The following NUDCD3 variants were observed in gnomAD, a reference collection of about 807,000 sequenced individuals.
The protein encoded by NUDCD3 is nudC domain-containing protein 3.
A neutral mutation model predicts 39.7 loss-of-function variants in NUDCD3; 13 were observed. The ratio of observed to expected loss-of-function variants is 0.33; its 90% CI spans 0.21 to 0.52. The LOEUF (loss-of-function observed/expected upper bound fraction) is 0.52. Among genes scored for constraint, NUDCD3 ranks in the 20% least tolerant of loss-of-function variants. The probability of loss-of-function intolerance (pLI) is 0.96; values close to 1 mark genes in which losing one functional copy is unlikely to be tolerated. For missense variants in NUDCD3, 453 were observed against 458.1 expected (o/e 0.99, Z 0.10); for synonymous variants, 175 against 172.4 (o/e 1.02, Z -0.12).
At chr7:44,454,439 T>C (rs1374173151) in intron 2 of NUDCD3, among the ~76,000 whole-genome samples, 1 of 152,210 alleles carries the variant, frequency 6.6e-6, no homozygotes, top group Admixed American at 6.5e-5. Flanking sequence ...CAGTATCAAG[T>C]TTGGTCAAAT....
chr7:44,415,478 C>T (rs1051731584), intron 3 of NUDCD3, among the ~76,000 whole-genome samples: 3 of 152,218 alleles, frequency 2.0e-5, no homozygotes, highest in African/African-American at 7.2e-5. Flanking sequence ...TTCAGATTCA[C>T]TAGCAAGATG....
intron 3 of NUDCD3, among the ~76,000 whole-genome samples, chr7:44,421,098 C>A (rs1293611987): frequency 6.6e-6 from 1 of 152,058 alleles, no homozygotes; most frequent in African/African-American, 2.4e-5. Context: ...CTTTGGGAGG[C>A]CAAGGTGGGT....
At chr7:44,434,314 C>G (rs1250919651) in intron 2 of NUDCD3, among the ~76,000 whole-genome samples, 2 of 152,142 alleles carry the variant, frequency 1.3e-5, no homozygotes, top group African/African-American at 4.8e-5. Flanking sequence ...CCTCTGCAGC[C>G]TTCAACCTTT....
At chr7:44,412,933 AAAAAAAAAAG>A (rs1418743580) in intron 3 of NUDCD3, among the ~76,000 whole-genome samples, 3 of 147,128 alleles carry the variant, frequency 2.0e-5, no homozygotes, top group African/African-American at 7.7e-5. Flanking sequence ...TCTCAAAAAA[AAAAAAAAAAG>A]AAAAAAAAAA....
At chr7:44,392,904 GC>G (rs886447958) in intron 4 of NUDCD3, among the ~76,000 whole-genome samples, 1 of 152,068 alleles carries the variant, frequency 6.6e-6, no homozygotes, top group African/African-American at 2.4e-5. Context: ...CCCCATGCTT[GC>G]CATGGAAGGC....
intron 2 of NUDCD3, among the ~76,000 whole-genome samples, chr7:44,432,935 G>A (rs1006848865): frequency 1.3e-5 from 2 of 152,182 alleles, no homozygotes; most frequent in African/African-American, 4.8e-5. Flanking sequence ...CCCCTAAAAC[G>A]TGTATCTTGA....
At chr7:44,399,714 C>T (rs768882694) in intron 4 of NUDCD3, among the ~76,000 whole-genome samples, 1 of 152,190 alleles carries the variant, frequency 6.6e-6, no homozygotes, top group Non-Finnish European at 1.5e-5. Flanking sequence ...ACAACTCATC[C>T]ACCAGGGAGA....
intron 5 of NUDCD3, among the ~76,000 whole-genome samples, chr7:44,389,396 C>T (rs1288848582): frequency 6.6e-6 from 1 of 152,246 alleles, no homozygotes; most frequent in Non-Finnish European, 1.5e-5. Flanking sequence ...ATAAGGAGGC[C>T]GGCCGGGCGC....
chr7:44,389,792 G>T (rs994216879), intron 5 of NUDCD3, among the ~76,000 whole-genome samples: 1 of 152,024 alleles, frequency 6.6e-6, no homozygotes, highest in African/African-American at 2.4e-5. Flanking sequence ...TGAGAGGAAG[G>T]TCAAGGAGAG....
rs1221451223 is a variant in NUDCD3 at position 44,484,990 on chromosome 7, T to G, written c.487A>C (p.Arg163=). 4 of 1,612,660 alleles carry G rather than the reference T, an allele frequency of 2.5e-6. No individual in the cohort carries two copies. The highest frequency in any genetic ancestry group is 3.4e-6 in the Non-Finnish European group (4 of 1,179,096). The stretch of plus-strand genomic sequence containing the variant: ...CACCTGGGAAGAATTGGTGGTTCCC[T>G]AGGGACTTCAGCAGCACCAGCAACT... ...GAVAGAAEVP[R]EPPILPRIQE... The change falls in exon 2 of 6, where the codon AGG becomes CGG. Residue 163 remains arginine, a synonymous_variant. Coordinates refer to ENST00000355451, the MANE Select transcript of NUDCD3 (RefSeq NM_015332.4).
At position 44,392,063 on chromosome 7, in the gene NUDCD3, C is replaced by T. The variant is rs556988753; in HGVS notation, c.975+234G>A. On this transcript the variant is annotated intron_variant, in intron 5 of 5. Coordinates refer to ENST00000355451, the MANE Select transcript of NUDCD3 (RefSeq NM_015332.4). ...ATGACACCCTTCGAGGTCCTGTTAA[C>T]TGGGCTCTCAGCCCAGGTATGAGAA... Among the ~76,000 whole-genome samples, 7 of 152,380 alleles carry T rather than the reference C, an allele frequency of 4.6e-5. No individual in the cohort carries two copies. The East Asian group carries it at 9.6e-4, about 21-fold the overall frequency.
At chr7:44,431,891 C>T (rs1048603723) in intron 2 of NUDCD3, among the ~76,000 whole-genome samples, 22 of 152,042 alleles carry the variant, frequency 1.4e-4, no homozygotes, top group African/African-American at 5.3e-4. Context: ...GGGCTGGTCT[C>T]GAAATCCTGA....
At chr7:44,429,441 C>T (rs1799309291) in intron 2 of NUDCD3, among the ~76,000 whole-genome samples, 1 of 152,112 alleles carries the variant, frequency 6.6e-6, no homozygotes, top group Non-Finnish European at 1.5e-5. Flanking sequence ...GGACCGCAGG[C>T]CACCACCTAA....
chr7:44,385,721 G>A lies in NUDCD3; in HGVS notation c.*290C>T. 2.4e-6 allele frequency: 1 copy of A among 410,590 alleles called. No homozygotes were observed. Among genetic ancestry groups the A allele is most frequent in the Non-Finnish European group, 4.4e-6 (1 of 228,728 alleles). The allele number at this position is 410,590 out of a possible 1,614,324, so 25.4% of individuals were successfully genotyped here. A position where few individuals can be genotyped will look rare whatever the true frequency, so the allele number is the denominator to read the frequency against. On this transcript the variant is annotated 3_prime_UTR_variant, in exon 6 of 6. Coordinates refer to ENST00000355451, the MANE Select transcript of NUDCD3 (RefSeq NM_015332.4). The stretch of plus-strand genomic sequence containing the variant: ...ATGCTGCCTGCAGTGGCTGGTTGCT[G>A]TGGAGACAAAAGCATGTGATCCCAA...
intron 2 of NUDCD3, among the ~76,000 whole-genome samples, chr7:44,437,391 T>G (rs1799488846): frequency 6.6e-6 from 1 of 152,174 alleles, no homozygotes; most frequent in African/African-American, 2.4e-5. Context: ...CTTTGTTTCT[T>G]TGTAAATTCT....
intron 2 of NUDCD3, among the ~76,000 whole-genome samples, chr7:44,428,243 C>T (rs1799277671): frequency 6.6e-6 from 1 of 151,558 alleles, no homozygotes; most frequent in Non-Finnish European, 1.5e-5. Flanking sequence ...TGAAACCAAC[C>T]TGGCTAACAT....
intron 1 of NUDCD3, chr7:44,489,974 A>G (rs1800697440): frequency 6.4e-6 from 1 of 157,028 alleles, no homozygotes; most frequent in Non-Finnish European, 1.4e-5. Context: ...GGGAAGTCAC[A>G]TTTCAAACAA....
intron 2 of NUDCD3, among the ~76,000 whole-genome samples, chr7:44,435,400 C>T (rs1799444940): frequency 6.6e-6 from 1 of 152,176 alleles, no homozygotes; most frequent in East Asian, 1.9e-4. Context: ...TTTCAGAAGG[C>T]TCCCTGCTGG....
chr7:44,444,093 A>G (rs887593226), intron 2 of NUDCD3, among the ~76,000 whole-genome samples: 14 of 152,154 alleles, frequency 9.2e-5, no homozygotes, highest in Non-Finnish European at 4.4e-5. Context: ...TATGAGCAAA[A>G]CCGAAGGTTT....
Sources: gnomAD v4.1 joint callset for allele counts (sites outside exome capture counted in the v4.1 genomes callset) on GRCh38, gnomAD v4.1.1 for gene constraint, MANE v1.5 for transcripts, NCBI Gene and HGNC (gene_info 2026-07-23, HGNC 2026-07-21) for gene names.